SLC25A42: variants seen among roughly 807,000 people sequenced by gnomAD.
The protein encoded by SLC25A42 is solute carrier family 25 member 42, also known as mitochondrial coenzyme A transporter SLC25A42.
A neutral mutation model predicts 34.7 loss-of-function variants in SLC25A42; 19 were observed. That is an observed-to-expected ratio of 0.55 (90% CI 0.38 to 0.80). SLC25A42 has a LOEUF of 0.80. Ranked by LOEUF, SLC25A42 falls within the 30% of genes least tolerant of loss-of-function variation. SLC25A42 has a pLI of 0.00. For missense variants in SLC25A42, 364 were observed against 441.3 expected (o/e 0.82, Z 1.57); for synonymous variants, 205 against 191.2 (o/e 1.07, Z -0.59).
intron 3 of SLC25A42, among the ~76,000 whole-genome samples, chr19:19,104,354 T>C (rs2145922372): frequency 6.6e-6 from 1 of 152,284 alleles, no homozygotes; most frequent in Non-Finnish European, 1.5e-5. Flanking sequence ...GGAGGCGGGC[T>C]GCCAGACCAC....
Position 19,081,519 on chromosome 19 carries a change from G to A in SLC25A42, c.-34-14572G>A, listed in dbSNP as rs1568511042. 6.6e-6 allele frequency among the ~76,000 whole-genome samples: 1 copy of A among 152,214 alleles called. No individual in the cohort carries two copies. The highest frequency in any genetic ancestry group is 1.5e-5 in the Non-Finnish European group (1 of 68,032). Reference sequence around the variant, plus strand: ...ACCTCTTCTCGCTTGGGAAGCCGAGGTGGGGGCTGATGGGCGTAGGTAGAC... The same window carrying A: ...ACCTCTTCTCGCTTGGGAAGCCGAGATGGGGGCTGATGGGCGTAGGTAGAC... On this transcript the variant is annotated intron_variant, in intron 1 of 7. Coordinates refer to ENST00000318596, the MANE Select transcript of SLC25A42 (RefSeq NM_178526.5). The surrounding 1 kb of genome is among the most constrained non-coding windows in gnomAD (Gnocchi z 4.5).
intron 1 of SLC25A42, among the ~76,000 whole-genome samples, chr19:19,065,499 G>A (rs985603531): frequency 7.2e-5 from 11 of 152,218 alleles, no homozygotes; most frequent in Non-Finnish European, 1.5e-4. Flanking sequence ...AAGGAGGACA[G>A]TGGCTTTGTT....
intron 1 of SLC25A42, among the ~76,000 whole-genome samples, chr19:19,070,985 T>C (rs1002211176): frequency 3.1e-5 from 4 of 127,656 alleles, no homozygotes; most frequent in Admixed American, 2.9e-4. Context: ...AGTGAATGCA[T>C]ACCGTCTTTT....
chr19:19,112,537 G>C lies in SLC25A42; in HGVS notation c.*1661G>C, dbSNP rs1294438387. 2 of 152,342 alleles carry C rather than the reference G, an allele frequency of 1.3e-5. No individual in the cohort carries two copies. Among genetic ancestry groups the C allele is most frequent in the African/African-American group, 4.8e-5 (2 of 41,454 alleles). 9.4% of individuals were successfully genotyped at this position (152,342 alleles called of 1,614,324 possible). ...CAAGCATGCAACAGCAGTAGGAATTGGGGGTCTGCCCCAGGTGGGTGAGAC... is the reference window on the plus strand; with the variant it reads ...CAAGCATGCAACAGCAGTAGGAATTCGGGGTCTGCCCCAGGTGGGTGAGAC... On this transcript the variant is annotated 3_prime_UTR_variant, in exon 8 of 8. Coordinates refer to ENST00000318596, the MANE Select transcript of SLC25A42 (RefSeq NM_178526.5). The surrounding 1 kb of genome is among the most constrained non-coding windows in gnomAD (Gnocchi z 4.3).
rs1260487361 is a variant in SLC25A42, at chr19:19,112,331, T to TC, written c.*1456dup. Reference sequence around the variant, plus strand: ...TTGGACCTGCAGGTGTGCAGACCGCTCTCTCTGCCTTCCTTGCATGTGGCC... The same window carrying TC: ...TTGGACCTGCAGGTGTGCAGACCGCTCCTCTCTGCCTTCCTTGCATGTGGCC... On this transcript the variant is annotated 3_prime_UTR_variant, in exon 8 of 8. Transcript: ENST00000318596. The surrounding 1 kb of genome is among the most constrained non-coding windows in gnomAD (Gnocchi z 4.3). The TC allele has an allele frequency of 4.7e-5, 7 of 148,686 alleles. No individual in the cohort carries two copies. The highest frequency in any genetic ancestry group is 9.1e-5 in the Non-Finnish European group (6 of 65,630). The allele number at this position is 148,686 out of a possible 1,614,324, so 9.2% of individuals were successfully genotyped here.
At position 19,088,701 on chromosome 19, in the gene SLC25A42, T is replaced by C. The variant is rs1334268974; in HGVS notation, c.-34-7390T>C. ...TTTTAGTAGAGACAGGGTTTCACCATGTTAGCCAAGATGGTCTTGATCTCC... is the reference window on the plus strand; with the variant it reads ...TTTTAGTAGAGACAGGGTTTCACCACGTTAGCCAAGATGGTCTTGATCTCC... On this transcript the variant is annotated intron_variant, in intron 1 of 7. Transcript: ENST00000318596. Among the ~76,000 whole-genome samples, 4 of 151,530 alleles carry C rather than the reference T, an allele frequency of 2.6e-5. No homozygotes were observed. The East Asian group carries it at 7.7e-4, about 29-fold the overall frequency.
In SLC25A42 at chr19:19,109,021, C is replaced by T. The variant is rs961766558; in HGVS notation, c.649+976C>T. 5.3e-5 allele frequency among the ~76,000 whole-genome samples: 8 copies of T among 151,756 alleles called. No homozygotes were observed. Among genetic ancestry groups the T allele is most frequent in the African/African-American group, 1.4e-4 (6 of 41,396 alleles). ...GGCCTCTTATTAGAAGTGAGGGTTGCACCCCTCAAGACTGCTTTGAAAATA... is the reference window on the plus strand; with the variant it reads ...GGCCTCTTATTAGAAGTGAGGGTTGTACCCCTCAAGACTGCTTTGAAAATA... On this transcript the variant is annotated intron_variant, in intron 7 of 7. Coordinates refer to ENST00000318596, the MANE Select transcript of SLC25A42 (RefSeq NM_178526.5). This position sits in a 1 kb window ranked among gnomAD's most constrained non-coding sequence, Gnocchi z 4.1.
At chr19:19,091,226 G>T (rs1002271364) in intron 1 of SLC25A42, among the ~76,000 whole-genome samples, 1 of 152,182 alleles carries the variant, frequency 6.6e-6, no homozygotes, top group Non-Finnish European at 1.5e-5. Context: ...GGAGGCCAAC[G>T]AGGGCAGATC....
intron 6 of SLC25A42, chr19:19,107,043 TGCGGTG>T (rs1568525138): frequency 6.9e-6 from 1 of 144,760 alleles, no homozygotes; most frequent in Non-Finnish European, 1.5e-5. Context: ...TGGGCCCAGG[TGCGGTG>T]GCCCATGCCT....
intron 5 of SLC25A42, 128 bp downstream of exon 5, chr19:19,105,855 G>A (rs1274052595): frequency 1.9e-5 from 15 of 799,748 alleles, no homozygotes; most frequent in Non-Finnish European, 2.9e-5. Flanking sequence ...TTCCCACAAC[G>A]AAACACTGGG....
chr19:19,111,102 T>G lies in SLC25A42; in HGVS notation c.*226T>G, dbSNP rs1424684660. On this transcript the variant is annotated 3_prime_UTR_variant, in exon 8 of 8. Transcript: ENST00000318596. Reference sequence around the variant, plus strand: ...GCGATGGTGTGGGGGGTCCCGCAGCTCCCCTCTTCCTTCCTCTGCAGACGC... The same window carrying G: ...GCGATGGTGTGGGGGGTCCCGCAGCGCCCCTCTTCCTTCCTCTGCAGACGC... 5 of 578,674 alleles carry G rather than the reference T, an allele frequency of 8.6e-6. No individual in the cohort carries two copies. The highest frequency in any genetic ancestry group is 1.5e-5 in the Non-Finnish European group (5 of 328,620). 35.8% of individuals were successfully genotyped at this position (578,674 alleles called of 1,614,324 possible). A position where few individuals can be genotyped will look rare whatever the true frequency, so the allele number is the denominator to read the frequency against.
intron 1 of SLC25A42, among the ~76,000 whole-genome samples, chr19:19,083,108 C>A (rs934753234): frequency 2.0e-5 from 3 of 152,112 alleles, no homozygotes; most frequent in African/African-American, 7.2e-5. Context: ...AGGTGTGAGC[C>A]ACCCAGCTAA....
intron 3 of SLC25A42, among the ~76,000 whole-genome samples, chr19:19,104,057 C>T (rs2059812866): frequency 6.6e-6 from 1 of 152,170 alleles, no homozygotes; most frequent in Non-Finnish European, 1.5e-5. Context: ...CAGGAGTCTG[C>T]CACCATGCCT....
intron 6 of SLC25A42, 82 bp downstream of exon 6, chr19:19,106,467 T>C: frequency 8.4e-7 from 1 of 1,193,196 alleles, no homozygotes; most frequent in Non-Finnish European, 1.2e-6. Flanking sequence ...CCTCTCTCTA[T>C]CGGGCCCCAG....
At chr19:19,086,320 G>C (rs1284528656) in intron 1 of SLC25A42, among the ~76,000 whole-genome samples, 1 of 152,104 alleles carries the variant, frequency 6.6e-6, no homozygotes, top group African/African-American at 2.4e-5. Flanking sequence ...TTTTAGTAGA[G>C]ACAGGGTTTC....
rs180789579 is a variant in SLC25A42, at chr19:19,094,433, G to T, written c.-34-1658G>T. On this transcript the variant is annotated intron_variant, in intron 1 of 7. Coordinates refer to ENST00000318596, the MANE Select transcript of SLC25A42 (RefSeq NM_178526.5). ...TGGCCATCAAGGGTTCTTTCGGTGGGTGCCCATGACCCCCTCGCCACACCC... is the reference window on the plus strand; with the variant it reads ...TGGCCATCAAGGGTTCTTTCGGTGGTTGCCCATGACCCCCTCGCCACACCC... 3.0e-4 allele frequency among the ~76,000 whole-genome samples: 45 copies of T among 151,306 alleles called. No individual in the cohort carries two copies. In the East Asian group the frequency reaches 7.4e-3, roughly 25 times the overall value.
At chr19:19,066,824 A>G (rs2059605014) in intron 1 of SLC25A42, among the ~76,000 whole-genome samples, 1 of 152,110 alleles carries the variant, frequency 6.6e-6, no homozygotes, top group Non-Finnish European at 1.5e-5. Flanking sequence ...TACTAAATAC[A>G]CATTGAACGT....
chr19:19,072,331 T>C (rs1434510107), intron 1 of SLC25A42, among the ~76,000 whole-genome samples: 2 of 152,212 alleles, frequency 1.3e-5, no homozygotes, highest in Non-Finnish European at 2.9e-5. Flanking sequence ...CCTGTGAAGA[T>C]GGTGACAGAT....
chr19:19,102,979 G>C (rs2059806374), intron 3 of SLC25A42, among the ~76,000 whole-genome samples: 1 of 152,082 alleles, frequency 6.6e-6, no homozygotes, highest in Non-Finnish European at 1.5e-5. Flanking sequence ...GCTTCTGGGG[G>C]CTCCTGGTTC....
Sources: allele counts gnomAD v4.1 joint callset (sites outside exome capture counted in the v4.1 genomes callset), GRCh38; gene constraint gnomAD v4.1.1; non-coding constraint Gnocchi (gnomAD v3.1); transcripts MANE v1.5; gene names NCBI Gene and HGNC (gene_info 2026-07-23, HGNC 2026-07-21).